Variants in VAMP7 observed in about 807,000 individuals in gnomAD.
VAMP7 encodes the protein vesicle-associated membrane protein 7.
A neutral mutation model predicts 29.6 loss-of-function variants in VAMP7; 14 were observed. The ratio of observed to expected loss-of-function variants is 0.47; its 90% CI spans 0.31 to 0.74. The LOEUF (loss-of-function observed/expected upper bound fraction) is 0.74, where lower values mean the gene tolerates loss of function less well. Ranked by LOEUF, VAMP7 falls within the 30% of genes least tolerant of loss-of-function variation. The probability of loss-of-function intolerance (pLI) is 0.05; values close to 1 mark genes in which losing one functional copy is unlikely to be tolerated. For synonymous variants in VAMP7, 95 were observed against 88.1 expected (o/e 1.08, Z -0.44); for missense variants, 223 against 262.4 (o/e 0.85, Z 1.04).
intron 1 of VAMP7, among the ~76,000 whole-genome samples, chrX:155,889,143 C>A (rs1432424308): frequency 3.9e-5 from 6 of 152,070 alleles, no homozygotes; most frequent in Admixed American, 6.6e-5. Context: ...TATCTATAGT[C>A]ATTGCTTTTC....
intron 2 of VAMP7, 45 bp downstream of exon 2, chrX:155,889,657 C>T (rs1417917895): frequency 1.9e-6 from 3 of 1,606,748 alleles, no homozygotes; most frequent in South Asian, 2.2e-5. Flanking sequence ...GAAGGGAATT[C>T]TGTTACTCTA....
intron 6 of VAMP7, among the ~76,000 whole-genome samples, chrX:155,939,075 T>TTG (rs3031565): frequency 1 from 152,206 of 152,206 alleles, 76,103 homozygotes; most frequent in Non-Finnish European, 1. Context: ...TTTGGTGAAT[T>TTG]TGCATACATC....
chrX:155,897,932 G>C (rs2066007972), intron 3 of VAMP7, among the ~76,000 whole-genome samples, 180 bp from the exon 4 acceptor site: 1 of 152,070 alleles, frequency 6.6e-6, no homozygotes, highest in African/African-American at 2.4e-5. Context: ...TGGACCTTTG[G>C]ACAAGTTAGT....
chrX:155,901,508 T>C (rs1334070932), intron 5 of VAMP7, among the ~76,000 whole-genome samples: 1 of 152,112 alleles, frequency 6.6e-6, no homozygotes, highest in South Asian at 2.1e-4. Flanking sequence ...TTTAGAGTTA[T>C]AGAAACAGCA....
At chrX:155,899,177 A>T (rs1449288548) in intron 4 of VAMP7, among the ~76,000 whole-genome samples, 1 of 151,742 alleles carries the variant, frequency 6.6e-6, no homozygotes. Context: ...TTGCTGGGTC[A>T]TATGGTAGGT....
intron 2 of VAMP7, among the ~76,000 whole-genome samples, chrX:155,891,218 T>TA (rs1386170334): frequency 1.3e-5 from 2 of 152,236 alleles, no homozygotes; most frequent in Non-Finnish European, 2.9e-5. Flanking sequence ...TAGGCTCAAC[T>TA]AAAACTCTGT....
intron 1 of VAMP7, among the ~76,000 whole-genome samples, chrX:155,882,751 A>G (rs1190302857): frequency 6.6e-6 from 1 of 152,238 alleles, no homozygotes; most frequent in Admixed American, 6.5e-5. Context: ...CATTTATAGT[A>G]TATTTTAAAA....
intron 5 of VAMP7, among the ~76,000 whole-genome samples, chrX:155,914,082 C>T (rs28837204): frequency 0.65 from 98,270 of 151,832 alleles, 32,270 homozygotes; most frequent in African/African-American, 0.77. Flanking sequence ...TTCACATCCC[C>T]TGTAAGTTGT....
chrX:155,919,976 TTGG>T (rs2066372286), intron 6 of VAMP7, 96 bp downstream of exon 6: 1 of 1,040,174 alleles, frequency 9.6e-7, no homozygotes, highest in Non-Finnish European at 1.4e-6. Context: ...ATTCAAATAT[TTGG>T]TGGTTTTTTT....
chrX:155,943,729 C>G lies in VAMP7; in HGVS notation c.*1778C>G, dbSNP rs2066781589. ...CACATGTCTCATTTTAAATGACGCA[C>G]AAACTGAAGATGTTAATAAAATTTA... On this transcript the variant is annotated 3_prime_UTR_variant, in exon 8 of 8. Coordinates refer to ENST00000286448, the MANE Select transcript of VAMP7 (RefSeq NM_005638.6). 6.6e-6 allele frequency: 1 copy of G among 152,094 alleles called. No homozygotes were observed. The highest frequency in any genetic ancestry group is 2.4e-5 in the African/African-American group (1 of 41,424). 9.4% of individuals were successfully genotyped at this position (152,094 alleles called of 1,614,324 possible).
intron 5 of VAMP7, among the ~76,000 whole-genome samples, chrX:155,901,946 T>C (rs1934925131): frequency 6.6e-6 from 1 of 152,136 alleles, no homozygotes; most frequent in South Asian, 2.1e-4. Flanking sequence ...GCATTGAATC[T>C]ATAAATTACC....
chrX:155,890,306 A>G (rs1244314600), intron 2 of VAMP7, among the ~76,000 whole-genome samples: 1 of 152,130 alleles, frequency 6.6e-6, no homozygotes, highest in Non-Finnish European at 1.5e-5. Flanking sequence ...GGCAGTGGAA[A>G]GGCATTGAAG....
chrX:155,919,797 T>A lies in VAMP7; in HGVS notation c.434-16T>A. The A allele has an allele frequency of 6.2e-7, 1 of 1,606,546 alleles. No individual in the cohort carries two copies. The highest frequency in any genetic ancestry group is 8.5e-7 in the Non-Finnish European group (1 of 1,176,850). On this transcript the variant is annotated splice_polypyrimidine_tract_variant and intron_variant, in intron 5 of 7. Transcript: ENST00000286448. Reference sequence around the variant, plus strand: ...AATGGAAAACTTGACCTTTTCTACTTTTCCAATATTTTCAGATCTGGTAGC... The same window carrying A: ...AATGGAAAACTTGACCTTTTCTACTATTCCAATATTTTCAGATCTGGTAGC...
intron 6 of VAMP7, among the ~76,000 whole-genome samples, chrX:155,922,807 G>T (rs1029939666): frequency 6.6e-6 from 1 of 152,004 alleles, no homozygotes; most frequent in African/African-American, 2.4e-5. Context: ...AAAGCAGATT[G>T]GGCCTCGAGT....
chrX:155,919,381 G>A (rs2066361336), intron 5 of VAMP7, among the ~76,000 whole-genome samples: 1 of 152,054 alleles, frequency 6.6e-6, no homozygotes, highest in Admixed American at 6.6e-5. Context: ...AAGTTTATTA[G>A]CATATAGTTG....
At chrX:155,916,544 A>G (rs988403798) in intron 5 of VAMP7, among the ~76,000 whole-genome samples, 60 of 152,264 alleles carry the variant, frequency 3.9e-4, no homozygotes, top group African/African-American at 1.4e-3. Flanking sequence ...CTTGTAAGGC[A>G]GGCCTGGTGG....
At chrX:155,881,598 A>G (rs2065802634) in intron 1 of VAMP7, 150 bp downstream of exon 1, 1 of 152,656 alleles carries the variant, frequency 6.6e-6, no homozygotes, top group African/African-American at 2.4e-5. Context: ...GTTGTCGGGC[A>G]GGACCAGTTT....
At chrX:155,931,193 C>G (rs1164582658) in intron 6 of VAMP7, among the ~76,000 whole-genome samples, 7 of 152,122 alleles carry the variant, frequency 4.6e-5, no homozygotes, top group African/African-American at 1.2e-4. Context: ...GTCTTGATAG[C>G]AGCATGATTT....
intron 5 of VAMP7, among the ~76,000 whole-genome samples, chrX:155,917,935 C>A (rs1237458234): frequency 6.6e-6 from 1 of 152,102 alleles, no homozygotes; most frequent in Non-Finnish European, 1.5e-5. Context: ...GTGCTCGGTC[C>A]CAAGGAGATG....
Sources: gnomAD v4.1 joint callset for allele counts (sites outside exome capture counted in the v4.1 genomes callset) on GRCh38, gnomAD v4.1.1 for gene constraint, MANE v1.5 for transcripts, NCBI Gene and HGNC (gene_info 2026-07-23, HGNC 2026-07-21) for gene names.